The following SLC71A1 variants were observed in gnomAD, a reference collection of about 807,000 sequenced individuals.
The protein encoded by SLC71A1 is hippocampus abundant gene transcript 1.
At chr1:100,055,117 A>C in the SLC71A1 span, among the ~76,000 whole-genome samples, 2 of 152,370 alleles carry the variant, frequency 1.3e-5, no homozygotes, top group South Asian at 4.1e-4. Flanking sequence ...GCATAGTATA[A>C]AACTTCTTAT....
chr1:100,071,140 A>G, the SLC71A1 span, among the ~76,000 whole-genome samples: 1 of 151,942 alleles, frequency 6.6e-6, no homozygotes, highest in African/African-American at 2.4e-5. Flanking sequence ...TGTAGCCTTT[A>G]TATAAAAATG....
chr1:100,080,809 A>G, the SLC71A1 span: 9 of 653,364 alleles, frequency 1.4e-5, no homozygotes, highest in South Asian at 3.3e-5. Flanking sequence ...GTGTTCTTCT[A>G]CATACCACCT....
the SLC71A1 span, among the ~76,000 whole-genome samples, chr1:100,072,894 C>G: frequency 6.6e-6 from 1 of 152,128 alleles, no homozygotes; most frequent in African/African-American, 2.4e-5. Flanking sequence ...CTATCCAGCC[C>G]TCTCTGTGGG....
At chr1:100,074,836 C>G in the SLC71A1 span, among the ~76,000 whole-genome samples, 3 of 152,092 alleles carry the variant, frequency 2.0e-5, no homozygotes, top group Admixed American at 1.3e-4. Flanking sequence ...GATTGTGACA[C>G]TGCACTCTAG....
At chr1:100,081,882 G>A in the SLC71A1 span, 1 of 715,674 alleles carries the variant, frequency 1.4e-6, no homozygotes, top group Non-Finnish European at 2.3e-6. Context: ...TATAATTATG[G>A]CTTTAATAAA....
the SLC71A1 span, among the ~76,000 whole-genome samples, chr1:100,050,656 C>G: frequency 6.6e-6 from 1 of 152,028 alleles, no homozygotes; most frequent in African/African-American, 2.4e-5. Context: ...AAGTAATATA[C>G]TATGTTTTCA....
the SLC71A1 span, among the ~76,000 whole-genome samples, chr1:100,055,843 C>T: frequency 3.3e-5 from 5 of 152,116 alleles, no homozygotes; most frequent in Admixed American, 3.3e-4. Context: ...ATCTCTGCTT[C>T]CTGGATTCAA....
At chr1:100,077,015 C>G in the SLC71A1 span, 3 of 562,248 alleles carry the variant, frequency 5.3e-6, no homozygotes, top group Non-Finnish European at 9.4e-6. Context: ...CTTATGTGAC[C>G]TGGACTAGTG....
At chr1:100,040,044 A>G in the SLC71A1 span, among the ~76,000 whole-genome samples, 1 of 152,210 alleles carries the variant, frequency 6.6e-6, no homozygotes, top group African/African-American at 2.4e-5. Flanking sequence ...AGAACAAATG[A>G]AGACTTTTCT....
chr1:100,054,996 G>A, the SLC71A1 span, among the ~76,000 whole-genome samples: 1 of 152,140 alleles, frequency 6.6e-6, no homozygotes, highest in Non-Finnish European at 1.5e-5. Context: ...AGGATGCCGT[G>A]TATAAAATAT....
the SLC71A1 span, among the ~76,000 whole-genome samples, chr1:100,055,604 TA>T: frequency 6.6e-6 from 1 of 151,972 alleles, no homozygotes; most frequent in African/African-American, 2.4e-5. Flanking sequence ...TGTGGGTACA[TA>T]GGTGTATATA....
the SLC71A1 span, among the ~76,000 whole-genome samples, chr1:100,060,650 C>G: frequency 7.2e-5 from 11 of 152,120 alleles, no homozygotes; most frequent in Admixed American, 6.6e-4. Flanking sequence ...TTACAGAATT[C>G]CCATCCCACC....
the SLC71A1 span, among the ~76,000 whole-genome samples, chr1:100,059,379 C>T: frequency 1.3e-5 from 2 of 151,408 alleles, no homozygotes; most frequent in South Asian, 4.2e-4. Context: ...AGGCTGGTCT[C>T]GAACTCCTGA....
At chr1:100,038,393 C>T in the SLC71A1 span, 1 of 1,199,160 alleles carries the variant, frequency 8.3e-7, no homozygotes. Flanking sequence ...ACACTGCCGT[C>T]TCTAGGCGTC....
chr1:100,060,622 CCTT>C, the SLC71A1 span, among the ~76,000 whole-genome samples: 3 of 152,064 alleles, frequency 2.0e-5, no homozygotes, highest in Non-Finnish European at 4.4e-5. Flanking sequence ...GAGCACATCA[CCTT>C]CTTTTAAGGA....
At chr1:100,056,768 C>T in the SLC71A1 span, among the ~76,000 whole-genome samples, 1 of 152,152 alleles carries the variant, frequency 6.6e-6, no homozygotes, top group Non-Finnish European at 1.5e-5. Context: ...AGCCTTCCAA[C>T]TGTTTTCCTT....
At chr1:100,069,600 G>A in the SLC71A1 span, 1 of 1,578,520 alleles carries the variant, frequency 6.3e-7, no homozygotes, top group Non-Finnish European at 8.7e-7. Flanking sequence ...TACCTTTTCT[G>A]GAAACCCTTC....
the SLC71A1 span, chr1:100,069,813 A>G: frequency 7.3e-6 from 5 of 682,038 alleles, no homozygotes; most frequent in African/African-American, 1.8e-5. Context: ...TAGGTTCAGA[A>G]ATTCAATTTG....
chr1:100,081,646 GATTA>G, the SLC71A1 span, among the ~76,000 whole-genome samples: 1 of 152,212 alleles, frequency 6.6e-6, no homozygotes, highest in Non-Finnish European at 1.5e-5. Context: ...AAAGTGCTGG[GATTA>G]CAGGCTTGAG....
Sources: allele counts gnomAD v4.1 joint callset (sites outside exome capture counted in the v4.1 genomes callset), GRCh38; gene constraint gnomAD v4.1.1; transcripts MANE v1.5; gene names NCBI Gene and HGNC (gene_info 2026-07-23, HGNC 2026-07-21).